MOB3B: variants seen among roughly 807,000 people sequenced by gnomAD.
MOB3B encodes the protein MOB kinase activator 3B.
A neutral mutation model predicts 18.7 loss-of-function variants in MOB3B; 7 were observed. The ratio of observed to expected loss-of-function variants is 0.37; its 90% CI spans 0.21 to 0.70. The LOEUF (loss-of-function observed/expected upper bound fraction) is 0.70, where lower values mean the gene tolerates loss of function less well. Among genes scored for constraint, MOB3B ranks in the 30% least tolerant of loss-of-function variants. The pLI, the probability that MOB3B is intolerant of heterozygous loss-of-function variation, is 0.52. For missense variants in MOB3B, 253 were observed against 281.3 expected, an observed-to-expected ratio of 0.90 and a Z score of 0.72; for synonymous variants, 111 against 99.9, an observed-to-expected ratio of 1.11 and a Z score of -0.66.
intron 1 of MOB3B, among the ~76,000 whole-genome samples, chr9:27,493,481 A>T (rs1290281085): frequency 6.6e-6 from 1 of 152,144 alleles, no homozygotes; most frequent in South Asian, 2.1e-4. Flanking sequence ...TCTACTAAAA[A>T]TACAAGAAAA....
chr9:27,430,010 C>A (rs778955579), intron 2 of MOB3B, among the ~76,000 whole-genome samples: 1 of 152,188 alleles, frequency 6.6e-6, no homozygotes. Flanking sequence ...TTTGCTCCAA[C>A]AGAGTTCCCT....
At chr9:27,349,974 C>A (rs1642802892) in intron 3 of MOB3B, among the ~76,000 whole-genome samples, 1 of 152,136 alleles carries the variant, frequency 6.6e-6, no homozygotes, top group African/African-American at 2.4e-5. Flanking sequence ...GCCTCTGGCT[C>A]AGTGGTGTCT....
intron 1 of MOB3B, among the ~76,000 whole-genome samples, chr9:27,491,617 G>A (rs1427041750): frequency 6.6e-6 from 1 of 152,206 alleles, no homozygotes; most frequent in Non-Finnish European, 1.5e-5. Flanking sequence ...GCTCATGCCT[G>A]TAATCCCAGC....
intron 1 of MOB3B, among the ~76,000 whole-genome samples, chr9:27,464,856 T>A (rs1386852238): frequency 1.3e-5 from 2 of 152,142 alleles, no homozygotes; most frequent in Non-Finnish European, 2.9e-5. Context: ...ACTTATTCAC[T>A]ATCACGAGAA....
intron 1 of MOB3B, chr9:27,524,871 A>G: frequency 1.9e-6 from 3 of 1,614,080 alleles, no homozygotes; most frequent in Non-Finnish European, 2.5e-6. Flanking sequence ...AAAGAAATAC[A>G]GTGACTGTGC....
chr9:27,371,551 G>A (rs1465107305), intron 2 of MOB3B, among the ~76,000 whole-genome samples: 2 of 152,210 alleles, frequency 1.3e-5, no homozygotes, highest in East Asian at 1.9e-4. Flanking sequence ...CTTATCTCTG[G>A]GTCAAAGTCA....
At chr9:27,351,095 G>T (rs1382246229) in intron 3 of MOB3B, among the ~76,000 whole-genome samples, 1 of 151,868 alleles carries the variant, frequency 6.6e-6, no homozygotes, top group Non-Finnish European at 1.5e-5. Flanking sequence ...TAGAGATGGG[G>T]TTTCACCATT....
chr9:27,375,042 G>T (rs911850076), intron 2 of MOB3B, among the ~76,000 whole-genome samples: 10 of 152,206 alleles, frequency 6.6e-5, no homozygotes, highest in Non-Finnish European at 1.3e-4. Context: ...CCAGAGTGGG[G>T]TCCACTGGCC....
intron 3 of MOB3B, among the ~76,000 whole-genome samples, chr9:27,333,977 T>C (rs1025480743): frequency 6.6e-6 from 1 of 152,210 alleles, no homozygotes; most frequent in African/African-American, 2.4e-5. Context: ...TTTCTGCCCT[T>C]CTCTGCCTGG....
chr9:27,398,968 A>G (rs1641494437), intron 2 of MOB3B, among the ~76,000 whole-genome samples: 2 of 142,132 alleles, frequency 1.4e-5, no homozygotes, highest in African/African-American at 5.1e-5. Flanking sequence ...CAAAATGGCA[A>G]TTTTTTAGCA....
intron 2 of MOB3B, among the ~76,000 whole-genome samples, chr9:27,377,641 G>T (rs557905253): frequency 6.6e-6 from 1 of 152,336 alleles, no homozygotes; most frequent in Non-Finnish European, 1.5e-5. Flanking sequence ...CCCAGGTGAG[G>T]TTTATACAAA....
intron 3 of MOB3B, among the ~76,000 whole-genome samples, chr9:27,347,602 G>T (rs1821046525): frequency 6.6e-6 from 1 of 152,208 alleles, no homozygotes; most frequent in Non-Finnish European, 1.5e-5. Flanking sequence ...GGTGTTGCGT[G>T]TAGGATGGAT....
intron 2 of MOB3B, among the ~76,000 whole-genome samples, chr9:27,418,731 T>G (rs1822194583): frequency 6.6e-6 from 1 of 152,176 alleles, no homozygotes; most frequent in Non-Finnish European, 1.5e-5. Context: ...AACATAATAC[T>G]GAATGGGGAA....
intron 3 of MOB3B, among the ~76,000 whole-genome samples, chr9:27,340,461 A>G (rs1820922717): frequency 6.6e-6 from 1 of 152,174 alleles, no homozygotes; most frequent in South Asian, 2.1e-4. Flanking sequence ...ACCACAGGAG[A>G]TGGGTTACGG....
At chr9:27,332,068 C>T (rs573677519) in intron 3 of MOB3B, among the ~76,000 whole-genome samples, 353 of 152,312 alleles carry the variant, frequency 2.3e-3, no homozygotes, top group African/African-American at 7.9e-3. Context: ...CAACAGCTCA[C>T]TGCAGCCTCA....
intron 1 of MOB3B, among the ~76,000 whole-genome samples, chr9:27,482,784 G>A (rs907435898): frequency 6.6e-6 from 1 of 152,210 alleles, no homozygotes; most frequent in Non-Finnish European, 1.5e-5. Context: ...CCGTTTTTAA[G>A]TTTGGTTGTA....
intron 2 of MOB3B, among the ~76,000 whole-genome samples, chr9:27,446,063 T>C (rs934166284): frequency 4.6e-5 from 7 of 152,160 alleles, no homozygotes; most frequent in Admixed American, 2.0e-4. Context: ...ACGACGAATG[T>C]TTTAATCACA....
At chr9:27,369,991 G>A (rs1821393129) in intron 2 of MOB3B, among the ~76,000 whole-genome samples, 1 of 146,796 alleles carries the variant, frequency 6.8e-6, no homozygotes, top group South Asian at 2.1e-4. Context: ...TAATGTCAGG[G>A]ATCTTTCTTG....
intron 1 of MOB3B, among the ~76,000 whole-genome samples, chr9:27,521,898 T>A (rs1820337686): frequency 1.3e-5 from 2 of 152,122 alleles, no homozygotes; most frequent in African/African-American, 4.8e-5. Context: ...TGTATAATAA[T>A]TTTTCCTTTT....
Sources: gnomAD v4.1 joint callset for allele counts (sites outside exome capture counted in the v4.1 genomes callset) on GRCh38, gnomAD v4.1.1 for gene constraint, MANE v1.5 for transcripts, NCBI Gene and HGNC (gene_info 2026-07-23, HGNC 2026-07-21) for gene names.